PRKCB: variants seen among roughly 807,000 people sequenced by gnomAD.
PRKCB encodes the protein protein kinase C beta type.
In PRKCB, 13 loss-of-function variants were observed where a neutral mutation model predicts 81.5. The ratio of observed to expected loss-of-function variants is 0.16; its 90% confidence interval spans 0.10 to 0.25. The LOEUF (loss-of-function observed/expected upper bound fraction) is 0.25, where lower values mean the gene tolerates loss of function less well. Ranked by LOEUF, PRKCB falls within the 10% of genes least tolerant of loss-of-function variation. The pLI, the probability that PRKCB is intolerant of heterozygous loss-of-function variation, is 1.00. For missense variants in PRKCB, 509 were observed against 875.7 expected (o/e 0.58, Z 5.29); for synonymous variants, 335 against 321.4 (o/e 1.04, Z -0.45).
intron 3 of PRKCB, among the ~76,000 whole-genome samples, chr16:23,990,355 G>A (rs1964868482): frequency 6.6e-6 from 1 of 151,962 alleles, no homozygotes; most frequent in African/African-American, 2.4e-5. Context: ...CTCCTTGGGA[G>A]GCTGAGGCAG....
At chr16:23,904,695 C>T (rs934433825) in intron 2 of PRKCB, among the ~76,000 whole-genome samples, 5 of 152,144 alleles carry the variant, frequency 3.3e-5, no homozygotes, top group Non-Finnish European at 5.9e-5. Context: ...CAAAAAACCA[C>T]AACACTTAGA....
At position 24,215,801 on chromosome 16, in the gene PRKCB, T is replaced by C; in HGVS notation, c.*985T>C. 2 of 985,778 alleles carry C rather than the reference T, an allele frequency of 2.0e-6. No homozygotes were observed. The highest frequency in any genetic ancestry group is 2.4e-6 in the Non-Finnish European group (2 of 829,912). 61.1% of individuals were successfully genotyped at this position (985,778 alleles called of 1,614,324 possible). ...CTCAGGCCTGTGGGAATGGGATTTG[T>C]TACAAATCTAGGTTTGTTACTGGCT... On this transcript the variant is annotated 3_prime_UTR_variant, in exon 17 of 17. Transcript: ENST00000643927.
At chr16:23,880,570 AT>A (rs1394633965) in intron 2 of PRKCB, among the ~76,000 whole-genome samples, 1 of 151,092 alleles carries the variant, frequency 6.6e-6, no homozygotes, top group Admixed American at 6.6e-5. Context: ...CAAGCTTTGT[AT>A]TTTCTATTTG....
intron 2 of PRKCB, among the ~76,000 whole-genome samples, chr16:23,976,791 G>A (rs1053576992): frequency 6.6e-6 from 1 of 152,202 alleles, no homozygotes; most frequent in Non-Finnish European, 1.5e-5. Context: ...GTCAAGGACA[G>A]TCTCCACGTG....
intron 9 of PRKCB, among the ~76,000 whole-genome samples, chr16:24,140,472 A>G (rs1966888069): frequency 6.6e-6 from 1 of 152,114 alleles, no homozygotes; most frequent in African/African-American, 2.4e-5. Context: ...ATCAGCCTCC[A>G]TGAATATTTG....
intron 16 of PRKCB, 86 bp from the exon 17 acceptor site, chr16:24,214,572 C>T: frequency 9.2e-7 from 1 of 1,087,584 alleles, no homozygotes; most frequent in East Asian, 2.4e-5. Context: ...AAAGCACACC[C>T]AATTATGCTA....
At chr16:24,161,799 T>A (rs1044618461) in intron 10 of PRKCB, among the ~76,000 whole-genome samples, 1 of 152,124 alleles carries the variant, frequency 6.6e-6, no homozygotes, top group Non-Finnish European at 1.5e-5. Flanking sequence ...TAAAATATAA[T>A]AAACATGAAA....
intron 3 of PRKCB, among the ~76,000 whole-genome samples, chr16:24,007,163 A>G (rs1239969430): frequency 6.6e-6 from 1 of 152,208 alleles, no homozygotes; most frequent in Non-Finnish European, 1.5e-5. Context: ...TCATCTATAA[A>G]AAGAGGATAA....
chr16:24,055,862 A>T (rs1172912567), intron 5 of PRKCB, among the ~76,000 whole-genome samples: 1 of 152,050 alleles, frequency 6.6e-6, no homozygotes, highest in East Asian at 1.9e-4. Context: ...TCGAAATATA[A>T]ATTTCCTGCA....
intron 2 of PRKCB, among the ~76,000 whole-genome samples, chr16:23,841,311 C>T (rs1962259825): frequency 6.6e-6 from 1 of 152,056 alleles, no homozygotes; most frequent in Non-Finnish European, 1.5e-5. Context: ...AACTCCTGAC[C>T]TCAGGTGATC....
intron 3 of PRKCB, among the ~76,000 whole-genome samples, chr16:24,003,531 T>C (rs1965069537): frequency 6.6e-6 from 1 of 152,058 alleles, no homozygotes; most frequent in Non-Finnish European, 1.5e-5. Context: ...ACTACAGATG[T>C]GCACCACCAT....
intron 2 of PRKCB, among the ~76,000 whole-genome samples, chr16:23,902,597 C>T (rs928341727): frequency 7.9e-5 from 12 of 152,174 alleles, no homozygotes; most frequent in Non-Finnish European, 1.3e-4. Context: ...AGCTAGTGTT[C>T]GAAACCTAAG....
chr16:23,995,065 C>T (rs1188178307), intron 3 of PRKCB, among the ~76,000 whole-genome samples: 1 of 152,174 alleles, frequency 6.6e-6, no homozygotes, highest in Non-Finnish European at 1.5e-5. Flanking sequence ...GGACCTTCTT[C>T]CTCAGTGAAA....
At chr16:24,168,208 C>G (rs16973336) in intron 10 of PRKCB, among the ~76,000 whole-genome samples, 16,295 of 152,112 alleles carry the variant, frequency 0.11, 984 homozygotes, top group East Asian at 0.22. Context: ...GAAAAATGTC[C>G]CATCTACAGG....
At chr16:23,938,784 G>C (rs1964098035) in intron 2 of PRKCB, among the ~76,000 whole-genome samples, 3 of 152,144 alleles carry the variant, frequency 2.0e-5, no homozygotes, top group Admixed American at 2.0e-4. Context: ...AAAAATCAAT[G>C]ACTTAAATAT....
At chr16:23,963,522 CA>C (rs1429644163) in intron 2 of PRKCB, among the ~76,000 whole-genome samples, 1 of 152,162 alleles carries the variant, frequency 6.6e-6, no homozygotes, top group Non-Finnish European at 1.5e-5. Context: ...TTGAAATTAA[CA>C]AAAAGAGCCT....
At chr16:24,058,143 A>G (rs1356110952) in intron 5 of PRKCB, among the ~76,000 whole-genome samples, 1 of 151,984 alleles carries the variant, frequency 6.6e-6, no homozygotes, top group East Asian at 1.9e-4. Flanking sequence ...CTTGGGCTCT[A>G]TGTGTTGCCA....
At chr16:24,122,563 A>G (rs1446852403) in intron 8 of PRKCB, among the ~76,000 whole-genome samples, 1 of 150,610 alleles carries the variant, frequency 6.6e-6, no homozygotes, top group Non-Finnish European at 1.5e-5. Flanking sequence ...GGGCTAAAGC[A>G]GTCCTCCCAC....
intron 9 of PRKCB, among the ~76,000 whole-genome samples, chr16:24,145,012 AG>A (rs1448392078): frequency 2.6e-5 from 4 of 152,176 alleles, no homozygotes; most frequent in African/African-American, 9.7e-5. Context: ...AAGGAGGGGA[AG>A]GGGATGGAAA....
Sources: gnomAD v4.1 joint callset for allele counts (sites outside exome capture counted in the v4.1 genomes callset) on GRCh38, gnomAD v4.1.1 for gene constraint, MANE v1.5 for transcripts, NCBI Gene and HGNC (gene_info 2026-07-23, HGNC 2026-07-21) for gene names.